The following LAMA2 variants were observed in gnomAD, a reference collection of about 807,000 sequenced individuals.
LAMA2 encodes laminin subunit alpha-2.
LAMA2 carries 269 observed loss-of-function variants against 364.8 expected under a neutral mutation model. That is an observed-to-expected ratio of 0.74 (90% CI 0.67 to 0.82). LAMA2 has a LOEUF of 0.82. Ranked by LOEUF, LAMA2 falls within the 40% of genes least tolerant of loss-of-function variation. LAMA2 has a pLI of 0.00. For synonymous variants in LAMA2, 1,379 were observed against 1,370.6 expected (o/e 1.01, Z -0.14); for missense variants, 3,807 against 3,873.2 (o/e 0.98, Z 0.45).
At chr6:129,060,921 C>T (rs750549766) in intron 3 of LAMA2, among the ~76,000 whole-genome samples, 6 of 152,060 alleles carry the variant, frequency 3.9e-5, no homozygotes, top group East Asian at 1.9e-4. Flanking sequence ...GAACTGGTGG[C>T]GGCAGGGGCT....
intron 3 of LAMA2, among the ~76,000 whole-genome samples, chr6:129,081,668 T>C (rs1470024731): frequency 6.6e-6 from 1 of 152,214 alleles, no homozygotes; most frequent in African/African-American, 2.4e-5. Context: ...AGTCCTTTTT[T>C]CTTCATTTTT....
At position 129,454,275 on chromosome 6, in the gene LAMA2, A is replaced by G. The variant is rs1782842674; in HGVS notation, c.6694A>G (p.Ile2232Val). Residue 2232 changes from isoleucine to valine, a missense_variant, in exon 47 of 65, where the codon ATC becomes GTC. Transcript: ENST00000421865. ...LTIDDSYWYRIVASRTGRNGT... is the reference protein window; with the variant it reads ...LTIDDSYWYRVVASRTGRNGT... Reference sequence around the variant, plus strand: ...TATTGATGACTCATATTGGTACCGTATCGTAGCATCAAGGTAACCAACTTA... The same window carrying G: ...TATTGATGACTCATATTGGTACCGTGTCGTAGCATCAAGGTAACCAACTTA... 1 of 1,611,358 alleles carries G rather than the reference A, an allele frequency of 6.2e-7. No individual in the cohort carries two copies. The highest frequency in any genetic ancestry group is 8.5e-7 in the Non-Finnish European group (1 of 1,177,914).
At chr6:129,081,859 G>A (rs1411331714) in intron 3 of LAMA2, among the ~76,000 whole-genome samples, 2 of 152,082 alleles carry the variant, frequency 1.3e-5, no homozygotes, top group African/African-American at 2.4e-5. Flanking sequence ...AGAAAATAAG[G>A]ATAATTTTTA....
chr6:128,915,588 A>C (rs1778258745), intron 1 of LAMA2, among the ~76,000 whole-genome samples: 1 of 152,178 alleles, frequency 6.6e-6, no homozygotes, highest in East Asian at 1.9e-4. Flanking sequence ...AATAATGATA[A>C]ATGCCTTCAT....
chr6:129,321,146 T>C (rs1237240856), intron 28 of LAMA2, among the ~76,000 whole-genome samples: 2 of 151,254 alleles, frequency 1.3e-5, no homozygotes, highest in East Asian at 1.9e-4. Flanking sequence ...AAAACTATCT[T>C]TTTTTTTTAC....
intron 1 of LAMA2, among the ~76,000 whole-genome samples, chr6:129,012,310 C>T (rs1417219429): frequency 6.6e-6 from 1 of 152,048 alleles, no homozygotes; most frequent in Non-Finnish European, 1.5e-5. Context: ...AGTTATTTTT[C>T]TAATTTGAAT....
intron 20 of LAMA2, among the ~76,000 whole-genome samples, chr6:129,296,797 A>G (rs1773212519): frequency 6.6e-6 from 1 of 152,128 alleles, no homozygotes; most frequent in South Asian, 2.1e-4. Context: ...ATATTTTTAA[A>G]AAATAACCCT....
At chr6:128,948,710 G>C (rs935957133) in intron 1 of LAMA2, among the ~76,000 whole-genome samples, 7 of 152,148 alleles carry the variant, frequency 4.6e-5, no homozygotes, top group Admixed American at 2.6e-4. Context: ...TCCCCTTGGT[G>C]ATAAGTGAGT....
At chr6:129,245,957 T>C (rs1583329916) in intron 12 of LAMA2, among the ~76,000 whole-genome samples, 1 of 152,170 alleles carries the variant, frequency 6.6e-6, no homozygotes, top group African/African-American at 2.4e-5. Flanking sequence ...TATTCATAAT[T>C]TTTTCATAGT....
At chr6:129,050,761 G>A (rs1188125306) in intron 2 of LAMA2, among the ~76,000 whole-genome samples, 3 of 152,220 alleles carry the variant, frequency 2.0e-5, no homozygotes, top group Non-Finnish European at 4.4e-5. Flanking sequence ...AAAGGGCAGA[G>A]AGTAGAGATG....
At chr6:129,192,910 G>A (rs866842932) in intron 12 of LAMA2, 57 bp downstream of exon 12, 7 of 1,498,676 alleles carry the variant, frequency 4.7e-6, no homozygotes, top group African/African-American at 4.1e-5. Context: ...GTGAGAATGG[G>A]TTTTAGTTGG....
chr6:128,944,829 A>G (rs928961993), intron 1 of LAMA2, among the ~76,000 whole-genome samples: 16 of 152,128 alleles, frequency 1.1e-4, no homozygotes, highest in Admixed American at 8.5e-4. Context: ...AAGGTGCTAC[A>G]TACTTTAAAA....
At chr6:129,237,764 A>T (rs930548659) in intron 12 of LAMA2, among the ~76,000 whole-genome samples, 2 of 152,110 alleles carry the variant, frequency 1.3e-5, no homozygotes, top group Non-Finnish European at 2.9e-5. Context: ...TATATTTTAG[A>T]CATGCTACCA....
In LAMA2 at chr6:129,328,345, G is replaced by A. The variant is rs759186554; in HGVS notation, c.4244G>A (p.Gly1415Asp). 6 of 1,614,124 alleles carry A rather than the reference G, an allele frequency of 3.7e-6. No individual in the cohort carries two copies. The highest frequency in any genetic ancestry group is 5.1e-6 in the Non-Finnish European group (6 of 1,180,024). The part of the protein sequence containing the change: ...PGGRTPGPTL[G>D]TCVPCQCNGH... ...GGCCGCACCCCTGGACCAACCCTGGGCACCTGTGTTCCATGTCAATGTAAT... is the reference window on the plus strand; with the variant it reads ...GGCCGCACCCCTGGACCAACCCTGGACACCTGTGTTCCATGTCAATGTAAT... Residue 1415 changes from glycine to aspartate, a missense_variant, in exon 29 of 65, where the codon GGC (glycine) becomes GAC (aspartate). By Grantham distance (94) the Gly-to-Asp change is moderately conservative. Around this residue, in one of 3 missense-constraint regions of LAMA2, gnomAD observed 3,333 missense variants for 3,345.7 expected, o/e 1.00. Transcript: ENST00000421865.
intron 29 of LAMA2, among the ~76,000 whole-genome samples, chr6:129,331,760 G>C (rs968974884): frequency 1.3e-5 from 2 of 151,714 alleles, no homozygotes; most frequent in Non-Finnish European, 2.9e-5. Flanking sequence ...TGTCTATCCC[G>C]TCTATAATTT....
At chr6:129,254,510 G>A (rs959350648) in intron 14 of LAMA2, among the ~76,000 whole-genome samples, 11 of 152,206 alleles carry the variant, frequency 7.2e-5, no homozygotes, top group African/African-American at 2.6e-4. Flanking sequence ...CAAATATGAA[G>A]CATTTCTATC....
At chr6:129,118,436 T>G (rs1206737755) in intron 4 of LAMA2, among the ~76,000 whole-genome samples, 4 of 152,242 alleles carry the variant, frequency 2.6e-5, no homozygotes, top group Non-Finnish European at 5.9e-5. Context: ...TCCACTCACT[T>G]TATTGTGATA....
rs184399203 is a variant in LAMA2, at chr6:129,147,749, A to C, written c.909+701A>C. On this transcript the variant is annotated intron_variant, in intron 6 of 64. Transcript: ENST00000421865. ...AAGATCAGTGAATGTAAATCGGGCC[A>C]CAGATTTTTTTTCTCAAATATTGTA... Among the ~76,000 whole-genome samples the C allele has an allele frequency of 6.2e-3, 937 of 152,156 alleles. 3 individuals are homozygous for C. The highest frequency in any genetic ancestry group is 8.3e-3 in the Non-Finnish European group (564 of 67,946).
At chr6:129,322,731 T>C (rs1182683645) in intron 28 of LAMA2, among the ~76,000 whole-genome samples, 2 of 152,194 alleles carry the variant, frequency 1.3e-5, no homozygotes, top group Non-Finnish European at 2.9e-5. Flanking sequence ...TGTTCACTTG[T>C]GAACAAAAAT....
Sources: gnomAD v4.1 joint callset for allele counts (sites outside exome capture counted in the v4.1 genomes callset) on GRCh38, gnomAD v4.1.1 for gene constraint, gnomAD v4.1.1 regional missense constraint, MANE v1.5 for transcripts, NCBI Gene and HGNC (gene_info 2026-07-23, HGNC 2026-07-21) for gene names.